The following SIPA1L1 variants were observed in gnomAD, a reference collection of about 807,000 sequenced individuals.
SIPA1L1 encodes signal induced proliferation associated 1 like 1, also known as signal-induced proliferation-associated 1-like protein 1.
SIPA1L1 carries 26 observed loss-of-function variants against 162.7 expected under a neutral mutation model. The ratio of observed to expected loss-of-function variants is 0.16; its 90% CI spans 0.12 to 0.22. The LOEUF (loss-of-function observed/expected upper bound fraction) is 0.22, where lower values mean the gene tolerates loss of function less well. SIPA1L1 is among the 10% of genes least tolerant of loss of function. The pLI, the probability that SIPA1L1 is intolerant of heterozygous loss-of-function variation, is 1.00. For missense variants in SIPA1L1, 1,874 were observed against 2,241.0 expected, an observed-to-expected ratio of 0.84 and a Z score of 3.31; for synonymous variants, 829 against 837.4, an observed-to-expected ratio of 0.99 and a Z score of 0.17.
At chr14:71,411,017 T>C (rs2042365878) in intron 2 of SIPA1L1, among the ~76,000 whole-genome samples, 1 of 152,206 alleles carries the variant, frequency 6.6e-6, no homozygotes, top group South Asian at 2.1e-4. Context: ...ATACTAATTT[T>C]CATATTTCTC....
At chr14:71,332,569 A>T (rs377047939) in intron 2 of SIPA1L1, among the ~76,000 whole-genome samples, 206 of 152,274 alleles carry the variant, frequency 1.4e-3, no homozygotes, top group African/African-American at 4.5e-3. Flanking sequence ...AACTGGCTGT[A>T]ATGCCTTTTG....
chr14:71,413,709 C>T (rs770446494), intron 2 of SIPA1L1, among the ~76,000 whole-genome samples: 1 of 152,120 alleles, frequency 6.6e-6, no homozygotes, highest in Non-Finnish European at 1.5e-5. Flanking sequence ...TGTACTCCAG[C>T]CTGGGCGACA....
chr14:71,417,450 C>T (rs12879328), intron 2 of SIPA1L1, among the ~76,000 whole-genome samples: 47 of 81,478 alleles, frequency 5.8e-4, no homozygotes, highest in East Asian at 3.7e-4. Context: ...CCAGCCTGGG[C>T]GACAGCGAGA....
At chr14:71,379,787 G>C (rs537785722) in intron 2 of SIPA1L1, among the ~76,000 whole-genome samples, 67 of 152,356 alleles carry the variant, frequency 4.4e-4, no homozygotes, top group South Asian at 1.4e-3. Flanking sequence ...ACATTAGAAA[G>C]TATTAGTGGT....
chr14:71,341,203 T>A (rs1207452828), intron 2 of SIPA1L1, among the ~76,000 whole-genome samples: 2 of 152,200 alleles, frequency 1.3e-5, no homozygotes, highest in African/African-American at 4.8e-5. Flanking sequence ...TATATATAGT[T>A]AGGTGAAATA....
intron 14 of SIPA1L1, among the ~76,000 whole-genome samples, chr14:71,700,301 G>A (rs2081986722): frequency 6.6e-6 from 1 of 151,680 alleles, no homozygotes; most frequent in Non-Finnish European, 1.5e-5. Flanking sequence ...ATAGGCTAAG[G>A]CAGGAGAAGA....
At chr14:71,645,652 T>C (rs1407774645) in intron 7 of SIPA1L1, among the ~76,000 whole-genome samples, 2 of 152,190 alleles carry the variant, frequency 1.3e-5, no homozygotes, top group African/African-American at 4.8e-5. Flanking sequence ...GGGGTGAGTG[T>C]ATAGCGGAGA....
intron 5 of SIPA1L1, among the ~76,000 whole-genome samples, chr14:71,617,709 A>T (rs1437727187): frequency 6.6e-6 from 1 of 152,200 alleles, no homozygotes; most frequent in Non-Finnish European, 1.5e-5. Context: ...TGTATTTTCA[A>T]ATGTGTATGC....
intron 12 of SIPA1L1, among the ~76,000 whole-genome samples, chr14:71,682,067 G>T (rs1193940696): frequency 6.6e-6 from 1 of 152,176 alleles, no homozygotes; most frequent in Non-Finnish European, 1.5e-5. Flanking sequence ...TACCTACATA[G>T]TATGTATTAA....
At chr14:71,469,169 C>G (rs956530348) in intron 2 of SIPA1L1, among the ~76,000 whole-genome samples, 1 of 151,872 alleles carries the variant, frequency 6.6e-6, no homozygotes, top group Non-Finnish European at 1.5e-5. Context: ...CCCAACCTCT[C>G]TGAGACCTTA....
At chr14:71,509,049 G>T (rs1354482623) in intron 2 of SIPA1L1, among the ~76,000 whole-genome samples, 4 of 152,156 alleles carry the variant, frequency 2.6e-5, no homozygotes, top group Non-Finnish European at 5.9e-5. Flanking sequence ...CGGCTGACAT[G>T]GTTAGTTATT....
Position 71,587,852 on chromosome 14 carries a change from A to G in SIPA1L1, c.-21A>G, listed in dbSNP as rs1461474524. 6.3e-7 allele frequency: 1 copy of G among 1,588,706 alleles called. No individual in the cohort carries two copies. Among genetic ancestry groups the G allele is most frequent in the Non-Finnish European group, 8.6e-7 (1 of 1,161,296 alleles). Reference sequence around the variant, plus strand: ...ATGATGGTCCTTGCTGCAGGGATTTAAGTCTACTTGCTTTTACATCATGAC... The same window carrying G: ...ATGATGGTCCTTGCTGCAGGGATTTGAGTCTACTTGCTTTTACATCATGAC... On this transcript the variant is annotated 5_prime_UTR_variant, in exon 5 of 24. An upstream open reading frame in the 5' UTR loses its in-frame stop. Transcript: ENST00000381232.
chr14:71,534,932 G>C (rs2053760687), intron 4 of SIPA1L1, among the ~76,000 whole-genome samples: 1 of 152,148 alleles, frequency 6.6e-6, no homozygotes. Flanking sequence ...AGTTGTATTC[G>C]TTCAGAGCAT....
intron 4 of SIPA1L1, among the ~76,000 whole-genome samples, chr14:71,565,852 T>G (rs1372601747): frequency 1.2e-4 from 18 of 152,104 alleles, no homozygotes; most frequent in Admixed American, 1.2e-3. Flanking sequence ...AAAAATTAAC[T>G]TTCTATTTTT....
At chr14:71,714,003 A>G (rs1007208337) in intron 17 of SIPA1L1, among the ~76,000 whole-genome samples, 1 of 152,230 alleles carries the variant, frequency 6.6e-6, no homozygotes, top group African/African-American at 2.4e-5. Context: ...CTCTAAAATA[A>G]CAAAACCAGA....
At chr14:71,464,411 G>A (rs994560744) in intron 2 of SIPA1L1, among the ~76,000 whole-genome samples, 2 of 152,186 alleles carry the variant, frequency 1.3e-5, no homozygotes, top group African/African-American at 4.8e-5. Flanking sequence ...GGGTCGCCGA[G>A]GTGGGCGGAT....
At chr14:71,644,522 C>A (rs2041995015) in intron 7 of SIPA1L1, among the ~76,000 whole-genome samples, 1 of 152,238 alleles carries the variant, frequency 6.6e-6, no homozygotes, top group South Asian at 2.1e-4. Context: ...CAGGCATGAA[C>A]CACCATGCCT....
At chr14:71,464,855 A>G (rs2046872960) in intron 2 of SIPA1L1, among the ~76,000 whole-genome samples, 1 of 152,148 alleles carries the variant, frequency 6.6e-6, no homozygotes, top group African/African-American at 2.4e-5. Context: ...GTCATGGGTC[A>G]CACTCTCAAC....
intron 19 of SIPA1L1, among the ~76,000 whole-genome samples, 191 bp from the exon 20 acceptor site, chr14:71,729,864 G>A (rs577748332): frequency 2.6e-5 from 4 of 152,204 alleles, no homozygotes; most frequent in Non-Finnish European, 4.4e-5. Flanking sequence ...CAGCATGCCA[G>A]GCTAAGGAAT....
Sources: allele counts gnomAD v4.1 joint callset (sites outside exome capture counted in the v4.1 genomes callset), GRCh38; gene constraint gnomAD v4.1.1; transcripts MANE v1.5; gene names NCBI Gene and HGNC (gene_info 2026-07-23, HGNC 2026-07-21).